ADGRL2: variants seen among roughly 807,000 people sequenced by gnomAD.
The protein encoded by ADGRL2 is calcium-independent alpha-latrotoxin receptor 2.
In ADGRL2, 44 loss-of-function variants were observed where a neutral mutation model predicts 157.4. That is an observed-to-expected ratio of 0.28 (90% CI 0.22 to 0.36). The LOEUF is 0.36. Among genes scored for constraint, ADGRL2 ranks in the 10% least tolerant of loss-of-function variants. ADGRL2 has a pLI of 1.00. For missense variants in ADGRL2, 1,510 were observed against 1,768.9 expected, an observed-to-expected ratio of 0.85 and a Z score of 2.63; for synonymous variants, 585 against 624.7, an observed-to-expected ratio of 0.94 and a Z score of 0.95.
chr1:81,700,583 C>T (rs1557577061), intron 1 of ADGRL2, among the ~76,000 whole-genome samples: 1 of 152,190 alleles, frequency 6.6e-6, no homozygotes, highest in Non-Finnish European at 1.5e-5. Context: ...TTTGTAAGCT[C>T]TAATCAAGTG....
At chr1:81,663,244 A>G (rs990773368) in intron 3 of ADGRL2, among the ~76,000 whole-genome samples, 3 of 152,182 alleles carry the variant, frequency 2.0e-5, no homozygotes, top group South Asian at 2.1e-4. Flanking sequence ...TCTTCACCGC[A>G]CCCAAATAGA....
At chr1:81,671,662 G>A (rs138517536) in intron 3 of ADGRL2, among the ~76,000 whole-genome samples, 76 of 152,152 alleles carry the variant, frequency 5.0e-4, no homozygotes, top group East Asian at 3.9e-3. Flanking sequence ...ACAGGCGCCC[G>A]CTACCACACC....
intron 2 of ADGRL2, among the ~76,000 whole-genome samples, chr1:81,876,150 G>C (rs1032775902): frequency 1.3e-5 from 2 of 151,986 alleles, no homozygotes; most frequent in Admixed American, 1.3e-4. Context: ...TGCTTTCCAC[G>C]CAAGACTTTA....
intron 13 of ADGRL2, among the ~76,000 whole-genome samples, chr1:81,967,508 G>A (rs991092965): frequency 2.4e-4 from 37 of 152,130 alleles, no homozygotes; most frequent in East Asian, 5.8e-4. Flanking sequence ...TGATCCGCCC[G>A]CCTCAGCCTC....
chr1:81,713,801 A>G (rs2084016337), intron 1 of ADGRL2, among the ~76,000 whole-genome samples: 2 of 152,218 alleles, frequency 1.3e-5, no homozygotes, highest in Admixed American at 1.3e-4. Flanking sequence ...GCTTGTCTCA[A>G]AAGCCCTAGA....
At chr1:81,565,454 G>A (rs1216709398) in intron 2 of ADGRL2, among the ~76,000 whole-genome samples, 1 of 152,102 alleles carries the variant, frequency 6.6e-6, no homozygotes, top group Non-Finnish European at 1.5e-5. Flanking sequence ...ATTTGTTGTT[G>A]ATCTACTAAA....
chr1:81,382,241 T>G (rs1039973829), intron 1 of ADGRL2, among the ~76,000 whole-genome samples: 8 of 152,196 alleles, frequency 5.3e-5, no homozygotes, highest in Admixed American at 2.6e-4. Flanking sequence ...ACATCAACAT[T>G]CATCGCCATA....
intron 1 of ADGRL2, among the ~76,000 whole-genome samples, chr1:81,422,003 G>C (rs1375472315): frequency 6.6e-6 from 1 of 152,010 alleles, no homozygotes; most frequent in Non-Finnish European, 1.5e-5. Context: ...ATTACTTACA[G>C]ACTTATTTTA....
intron 2 of ADGRL2, among the ~76,000 whole-genome samples, chr1:81,495,411 A>G (rs2078711464): frequency 6.6e-6 from 1 of 152,196 alleles, no homozygotes; most frequent in East Asian, 1.9e-4. Context: ...GAGCAGGTAT[A>G]TTTTCAAGTT....
chr1:81,674,589 T>G (rs953676713), intron 3 of ADGRL2, among the ~76,000 whole-genome samples: 3 of 152,062 alleles, frequency 2.0e-5, no homozygotes, highest in African/African-American at 7.2e-5. Flanking sequence ...CCCTCAAAGT[T>G]TGAGAGAAAA....
At chr1:81,549,917 A>G (rs2080104523) in intron 2 of ADGRL2, among the ~76,000 whole-genome samples, 1 of 130,508 alleles carries the variant, frequency 7.7e-6, no homozygotes, top group Non-Finnish European at 1.7e-5. Context: ...ATCAGTGATT[A>G]CAAAAGATAA....
At chr1:81,722,247 C>A (rs1399289123) in intron 1 of ADGRL2, 2 of 402,614 alleles carry the variant, frequency 5.0e-6, no homozygotes, top group Non-Finnish European at 4.7e-6. Context: ...GAGCGGAGAT[C>A]GCGCCACTGC....
At chr1:81,942,246 G>A (rs755407146) in intron 5 of ADGRL2, among the ~76,000 whole-genome samples, 7 of 151,728 alleles carry the variant, frequency 4.6e-5, no homozygotes, top group African/African-American at 7.3e-5. Flanking sequence ...TTCTGAAGTC[G>A]GCGAGGGGGA....
At chr1:81,745,495 A>G (rs780737797) in intron 1 of ADGRL2, among the ~76,000 whole-genome samples, 6 of 152,186 alleles carry the variant, frequency 3.9e-5, no homozygotes, top group Non-Finnish European at 7.4e-5. Context: ...ATATGATTCA[A>G]TCTAATACCT....
Position 81,752,782 on chromosome 1 carries a change from C to T in ADGRL2, c.-142-9029C>T, listed in dbSNP as rs550428370. Among the ~76,000 whole-genome samples the T allele has an allele frequency of 9.9e-5, 15 of 152,244 alleles. No homozygotes were observed. The South Asian group carries it at 2.9e-3, about 29-fold the overall frequency. ...TTTCTGTTTTCTTTTGTCTTAAAGG[C>T]CTTTTAATATACTTCCTTTAGTATG... On this transcript the variant is annotated intron_variant, in intron 1 of 20. Coordinates refer to the ADGRL2 transcript ENST00000359929.
chr1:81,638,167 C>T (rs1218323298), intron 3 of ADGRL2, among the ~76,000 whole-genome samples: 1 of 151,906 alleles, frequency 6.6e-6, no homozygotes, highest in African/African-American at 2.4e-5. Context: ...AACTCACCAA[C>T]TTTGAATTCT....
intron 2 of ADGRL2, among the ~76,000 whole-genome samples, chr1:81,543,155 G>T (rs2079929038): frequency 6.6e-6 from 1 of 152,052 alleles, no homozygotes; most frequent in Non-Finnish European, 1.5e-5. Flanking sequence ...ATATGCTATG[G>T]TCTGAATGTT....
intron 2 of ADGRL2, among the ~76,000 whole-genome samples, chr1:81,564,637 A>C (rs1234825710): frequency 6.6e-6 from 1 of 152,164 alleles, no homozygotes; most frequent in East Asian, 1.9e-4. Flanking sequence ...GTCTTATCTC[A>C]GAAGTGACAT....
intron 11 of ADGRL2, 107 bp from the exon 12 acceptor site, chr1:81,965,951 G>C: frequency 1.7e-6 from 2 of 1,155,880 alleles, no homozygotes; most frequent in Non-Finnish European, 2.4e-6. Context: ...AATTTTTTAA[G>C]TAGGCAAAAA....
Sources: allele counts gnomAD v4.1 joint callset (sites outside exome capture counted in the v4.1 genomes callset), GRCh38; gene constraint gnomAD v4.1.1; transcripts MANE v1.5; gene names NCBI Gene and HGNC (gene_info 2026-07-23, HGNC 2026-07-21).